The following AMIGO3 variants were observed in gnomAD, a reference collection of about 807,000 sequenced individuals.
The protein encoded by AMIGO3 is adhesion molecule with Ig like domain 3.
Under a neutral mutation model 4.3 loss-of-function variants are expected in AMIGO3, and 6 were observed. That is an observed-to-expected ratio of 1.39 (90% CI 0.76 to 2.75). AMIGO3 has a LOEUF of 2.75. AMIGO3 is among the 30% of genes most tolerant of loss of function. AMIGO3 has a pLI of 0.00. For synonymous variants in AMIGO3, 315 were observed against 320.0 expected, an observed-to-expected ratio of 0.98 and a Z score of 0.17; for missense variants, 771 against 692.1, an observed-to-expected ratio of 1.11 and a Z score of -1.28.
chr3:49,719,301 C>T lies in AMIGO3; in HGVS notation c.165G>A (p.Val55=), dbSNP rs1282870865. 1 of 1,612,930 alleles carries T rather than the reference C, an allele frequency of 6.2e-7. No individual in the cohort carries two copies. Among genetic ancestry groups the T allele is most frequent in the African/African-American group, 1.3e-5 (1 of 74,938 alleles). The change falls in exon 1 of 1, where the codon GTG becomes GTA. Residue 55 remains valine, a synonymous_variant. Transcript: ENST00000320431. ...CAGTAGCGGCAGGTAACTCGGCTGG[C>T]ACGTCCTGCAGCCCTAGGCCAGTGC... ...LSCTGLGLQD[V]PAELPAATAD...
rs1283325975 is a variant in AMIGO3, at chr3:49,718,859, G to T, written c.607C>A (p.Leu203Met). The change falls in exon 1 of 1, where the codon CTG (leucine) becomes ATG (methionine). Residue 203 changes from leucine to methionine, a missense_variant. Leu to Met is a conservative substitution (Grantham distance 15). Transcript: ENST00000320431. ...NRLGHISVPE[L>M]AALPAFLKNG... ...TTGAGGAAGGCCGGCAGCGCGGCCA[G>T]CTCAGGTACGGAGATGTGTCCCAGC... 2 of 1,613,432 alleles carry T rather than the reference G, an allele frequency of 1.2e-6. No homozygotes were observed. The highest frequency in any genetic ancestry group is 1.7e-6 in the Non-Finnish European group (2 of 1,180,034).
In AMIGO3 at chr3:49,717,819, C is replaced by G; in HGVS notation, c.*132G>C. On this transcript the variant is annotated 3_prime_UTR_variant, in exon 1 of 1. Transcript: ENST00000320431. ...GTGAGCGAGAAGGCCCATTGTGTTTCGAGGCCCATACAGGAAGCTGGGGGG... is the reference window on the plus strand; with the variant it reads ...GTGAGCGAGAAGGCCCATTGTGTTTGGAGGCCCATACAGGAAGCTGGGGGG... 5 of 982,432 alleles carry G rather than the reference C, an allele frequency of 5.1e-6. No homozygotes were observed. The highest frequency in any genetic ancestry group is 7.4e-6 in the Non-Finnish European group (5 of 675,288). 60.9% of individuals were successfully genotyped at this position (982,432 alleles called of 1,614,324 possible).
Position 49,718,835 on chromosome 3 carries a change from TGAG to T in AMIGO3, c.628_630del (p.Leu210del), listed in dbSNP as rs2080314665. On this transcript the variant is annotated inframe_deletion, in exon 1 of 1. Transcript: ENST00000320431. ...TTGTTGTGCAAGTAGAGGCCGTTCT[TGAG>T]GAAGGCCGGCAGCGCGGCCAGCTCA... is the stretch of plus-strand genomic sequence containing the variant. 6.2e-7 allele frequency: 1 copy of T among 1,613,424 alleles called. No individual in the cohort carries two copies. Among genetic ancestry groups the T allele is most frequent in the Non-Finnish European group, 8.5e-7 (1 of 1,180,028 alleles).
chr3:49,717,846 C>G lies in AMIGO3; in HGVS notation c.*105G>C. The G allele has an allele frequency of 7.9e-7, 1 of 1,272,136 alleles. No individual in the cohort carries two copies. The highest frequency in any genetic ancestry group is 1.4e-5 in the South Asian group (1 of 69,370). The allele number at this position is 1,272,136 out of a possible 1,614,324, so 78.8% of individuals were successfully genotyped here. ...AGGCCCATACAGGAAGCTGGGGGGC[C>G]AGGCACAGTGCTTCCCACCAGTATC... is the stretch of plus-strand genomic sequence containing the variant. On this transcript the variant is annotated 3_prime_UTR_variant, in exon 1 of 1. Transcript: ENST00000320431.
Position 49,718,072 on chromosome 3 carries a change from T to A in AMIGO3, c.1394A>T (p.Asn465Ile). The change falls in exon 1 of 1, where the codon AAT becomes ATT. Residue 465 changes from asparagine (N) to isoleucine (I), a missense_variant. Asn to Ile is a moderately radical substitution (Grantham distance 149). Transcript: ENST00000320431. ...VFLEPGRRGL[N>I]GRVQLAVAEE... ...AGCTACTGCCAGCTGCACGCGGCCATTGAGGCCCCTCCGGCCTGGCTCCAG... is the reference window on the plus strand; with the variant it reads ...AGCTACTGCCAGCTGCACGCGGCCAATGAGGCCCCTCCGGCCTGGCTCCAG... 6.2e-7 allele frequency: 1 copy of A among 1,613,616 alleles called. No individual in the cohort carries two copies. Among genetic ancestry groups the A allele is most frequent in the South Asian group, 1.1e-5 (1 of 91,086 alleles).
In AMIGO3 at chr3:49,717,686, T is replaced by A. The variant is rs1286427029; in HGVS notation, c.*265A>T. ...CACAGGGCATTTGGGCACTAGGAAG[T>A]CCGCGGGAAAGCAGGAACTAGCACA... On this transcript the variant is annotated 3_prime_UTR_variant, in exon 1 of 1. Transcript: ENST00000320431. The A allele has an allele frequency of 1.8e-6, 1 of 555,296 alleles. No individual in the cohort carries two copies. Among genetic ancestry groups the A allele is most frequent in the Admixed American group, 3.2e-5 (1 of 30,802 alleles). The allele number at this position is 555,296 out of a possible 1,614,324, so 34.4% of individuals were successfully genotyped here.
Position 49,719,628 on chromosome 3 carries a change from G to T in AMIGO3, c.-163C>A. ...ACGGCCCCTACTCTCCGGTTCCCAG[G>T]TTGTGAGGCGGTGCGGCACTCTTAG... On this transcript the variant is annotated 5_prime_UTR_variant, in exon 1 of 1. Coordinates refer to ENST00000320431, the MANE Select transcript of AMIGO3 (RefSeq NM_198722.3). 1.6e-6 allele frequency: 1 copy of T among 627,284 alleles called. No individual in the cohort carries two copies. Among genetic ancestry groups the T allele is most frequent in the Non-Finnish European group, 2.8e-6 (1 of 357,972 alleles). The allele number at this position is 627,284 out of a possible 1,614,324, so 38.9% of individuals were successfully genotyped here.
rs2080316685 is a variant in AMIGO3, at chr3:49,718,892, A to C, written c.574T>G (p.Ser192Ala). 6.2e-7 allele frequency: 1 copy of C among 1,613,488 alleles called. No individual in the cohort carries two copies. Among genetic ancestry groups the C allele is most frequent in the Admixed American group, 1.7e-5 (1 of 60,014 alleles). ...ATHLLTLDLS[S>A]NRLGHISVPE... ...ACGGAGATGTGTCCCAGCCGGTTGG[A>C]GGAGAGGTCCAGAGTAAGCAGGTGG... Residue 192 changes from serine to alanine, a missense_variant, in exon 1 of 1, where the codon TCC (serine) becomes GCC (alanine). By Grantham distance (99) the Ser-to-Ala change is moderately conservative (BLOSUM62 1). Transcript: ENST00000320431.
rs376622853 is a variant in AMIGO3 at position 49,719,282 on chromosome 3, C to A, written c.184G>T (p.Ala62Ser). The A allele has an allele frequency of 6.2e-7, 1 of 1,613,162 alleles. No individual in the cohort carries two copies. Among genetic ancestry groups the A allele is most frequent in the East Asian group, 2.2e-5 (1 of 44,878 alleles). ...LQDVPAELPA[A>S]TADLDLSHNA... ...TGGCTCAGGTCGAGGTCCGCAGTAGCGGCAGGTAACTCGGCTGGCACGTCC... is the reference window on the plus strand; with the variant it reads ...TGGCTCAGGTCGAGGTCCGCAGTAGAGGCAGGTAACTCGGCTGGCACGTCC... The change falls in exon 1 of 1, where the codon GCT (alanine) becomes TCT (serine). Residue 62 changes from alanine to serine, a missense_variant. Transcript: ENST00000320431.
At position 49,718,578 on chromosome 3, in the gene AMIGO3, C is replaced by T. The variant is rs1466765082; in HGVS notation, c.888G>A (p.Leu296=). Residue 296 remains leucine, a synonymous_variant, in exon 1 of 1, where the codon CTG becomes CTA. Transcript: ENST00000320431. ...GGACGCTGGTGTTGCAGTAAAGCCTCAGGGACCGACCCACCAGCGCGTACA... is the reference window on the plus strand; with the variant it reads ...GGACGCTGGTGTTGCAGTAAAGCCTTAGGGACCGACCCACCAGCGCGTACA... The part of the protein sequence containing the change: ...EHLYALVGRS[L]RLYCNTSVPA... The T allele has an allele frequency of 1.9e-6, 3 of 1,612,980 alleles. No homozygotes were observed. Among genetic ancestry groups the T allele is most frequent in the East Asian group, 2.2e-5 (1 of 44,892 alleles).
Position 49,719,123 on chromosome 3 carries a change from C to T in AMIGO3, c.343G>A (p.Asp115Asn). 8 of 1,613,536 alleles carry T rather than the reference C, an allele frequency of 5.0e-6. No individual in the cohort carries two copies. Among genetic ancestry groups the T allele is most frequent in the Admixed American group, 1.7e-5 (1 of 60,026 alleles). ...GCCCGCAACGTGTTAGATGATAGATCGAGCAGCCTCAGGCCGCTGGCGTTG... is the reference window on the plus strand; with the variant it reads ...GCCCGCAACGTGTTAGATGATAGATTGAGCAGCCTCAGGCCGCTGGCGTTG... ...FVNASGLRLL[D>N]LSSNTLRALG... Residue 115 changes from aspartate (D) to asparagine (N), a missense_variant, in exon 1 of 1, where the codon GAT (aspartate) becomes AAT (asparagine). Physicochemically the swap from Asp to Asn is conservative, Grantham distance 23. Coordinates refer to ENST00000320431, the MANE Select transcript of AMIGO3 (RefSeq NM_198722.3).
rs763204310 is a variant in AMIGO3, at chr3:49,718,205, G to C, written c.1261C>G (p.Gln421Glu). ...AGCTCTTGGAGCGGGCTGGGTGTTT[G>C]GGGCCAGCGGCGGCAGCGGCAGGCA... ...RRACRCRRWPQTPSPLQELSA... is the reference protein window; with the variant it reads ...RRACRCRRWPETPSPLQELSA... The change falls in exon 1 of 1, where the codon CAA (glutamine) becomes GAA (glutamate). Residue 421 changes from glutamine to glutamate, a missense_variant. Coordinates refer to ENST00000320431, the MANE Select transcript of AMIGO3 (RefSeq NM_198722.3). 3.1e-6 allele frequency: 5 copies of C among 1,612,430 alleles called. No individual in the cohort carries two copies. The highest frequency in any genetic ancestry group is 4.2e-6 in the Non-Finnish European group (5 of 1,179,620).
rs758638625 is a variant in AMIGO3, at chr3:49,718,954, G to C, written c.512C>G (p.Ser171Trp). The C allele has an allele frequency of 1.1e-5, 17 of 1,613,694 alleles. No homozygotes were observed. Among genetic ancestry groups the C allele is most frequent in the Admixed American group, 6.7e-5 (4 of 60,016 alleles). ...ACCGTGCAGGTGGTCGAAGGAGAACGAGGCGAGTTCGTTGCAGCCCAGGTA... is the reference window on the plus strand; with the variant it reads ...ACCGTGCAGGTGGTCGAAGGAGAACCAGGCGAGTTCGTTGCAGCCCAGGTA... ...HLYLGCNELA[S>W]FSFDHLHGLS... The change falls in exon 1 of 1, where the codon TCG (serine) becomes TGG (tryptophan). Residue 171 changes from serine (S) to tryptophan (W), a missense_variant. Transcript: ENST00000320431.
rs775625819 is a variant in AMIGO3, at chr3:49,719,242, C to T, written c.224G>A (p.Arg75His). 9 of 1,613,028 alleles carry T rather than the reference C, an allele frequency of 5.6e-6. No individual in the cohort carries two copies. Among genetic ancestry groups the T allele is most frequent in the Non-Finnish European group, 4.2e-6 (5 of 1,179,856 alleles). ...GGGCGCCAACCAGCCGGGGCGCAGG[C>T]GCTGGAGCGCGTTGTGGCTCAGGTC... The part of the protein sequence containing the change: ...DLDLSHNALQ[R>H]LRPGWLAPLF... Residue 75 changes from arginine to histidine, a missense_variant, in exon 1 of 1, where the codon CGC becomes CAC. Physicochemically the swap from Arg to His is conservative, Grantham distance 29. Transcript: ENST00000320431.
rs755181749 is a variant in AMIGO3, at chr3:49,718,214, G to A, written c.1252C>T (p.Arg418Cys). The A allele has an allele frequency of 1.9e-6, 3 of 1,610,636 alleles. No homozygotes were observed. Among genetic ancestry groups the A allele is most frequent in the Non-Finnish European group, 1.7e-6 (2 of 1,179,586 alleles). ...RCCRRACRCR[R>C]WPQTPSPLQE... ...AGCGGGCTGGGTGTTTGGGGCCAGC[G>A]GCGGCAGCGGCAGGCACGGCGGCAG... The change falls in exon 1 of 1, where the codon CGC (arginine) becomes TGC (cysteine). Residue 418 changes from arginine to cysteine, a missense_variant. Coordinates refer to ENST00000320431, the MANE Select transcript of AMIGO3 (RefSeq NM_198722.3).
rs1452411594 is a variant in AMIGO3 at position 49,719,657 on chromosome 3, C to G, written c.-192G>C. The G allele has an allele frequency of 3.5e-6, 2 of 576,198 alleles. No homozygotes were observed. The highest frequency in any genetic ancestry group is 6.2e-6 in the Non-Finnish European group (2 of 320,850). 35.7% of individuals were successfully genotyped at this position (576,198 alleles called of 1,614,324 possible). On this transcript the variant is annotated 5_prime_UTR_variant, in exon 1 of 1. Coordinates refer to ENST00000320431, the MANE Select transcript of AMIGO3 (RefSeq NM_198722.3). ...TGAGGCGGTGCGGCACTCTTAGCCG[C>G]GCTCCCTTCGGCTTCGCTAGCCCTC...
Position 49,719,496 on chromosome 3 carries a change from G to T in AMIGO3, c.-31C>A. On this transcript the variant is annotated 5_prime_UTR_variant, in exon 1 of 1. The change creates a new upstream start codon in the 5' untranslated region. Transcript: ENST00000320431. ...CGACCACCAGGGACAGTACAGAGCA[G>T]CTCTGTGCAGGTTGCAGTTCCAGGA... is the stretch of plus-strand genomic sequence containing the variant. 1 of 1,556,568 alleles carries T rather than the reference G, an allele frequency of 6.4e-7. No individual in the cohort carries two copies. The highest frequency in any genetic ancestry group is 8.7e-7 in the Non-Finnish European group (1 of 1,143,634).
Position 49,718,197 on chromosome 3 carries a change from G to A in AMIGO3, c.1269C>T (p.Pro423=), listed in dbSNP as rs765658912. 89 of 1,612,810 alleles carry A rather than the reference G, an allele frequency of 5.5e-5. No individual in the cohort carries two copies. In the Admixed American group the frequency reaches 1.4e-3, roughly 26 times the overall value. ...GTGCGCTCAGCTCTTGGAGCGGGCTGGGTGTTTGGGGCCAGCGGCGGCAGC... is the reference window on the plus strand; with the variant it reads ...GTGCGCTCAGCTCTTGGAGCGGGCTAGGTGTTTGGGGCCAGCGGCGGCAGC... The part of the protein sequence containing the change: ...ACRCRRWPQT[P]SPLQELSAQS... Residue 423 remains proline (P), a synonymous_variant, in exon 1 of 1, where the codon CCC becomes CCT. Transcript: ENST00000320431.
rs763869377 is a variant in AMIGO3 at position 49,719,491 on chromosome 3, G to A, written c.-26C>T. On this transcript the variant is annotated 5_prime_UTR_variant, in exon 1 of 1. Coordinates refer to ENST00000320431, the MANE Select transcript of AMIGO3 (RefSeq NM_198722.3). Reference sequence around the variant, plus strand: ...GGCGGCGACCACCAGGGACAGTACAGAGCAGCTCTGTGCAGGTTGCAGTTC... The same window carrying A: ...GGCGGCGACCACCAGGGACAGTACAAAGCAGCTCTGTGCAGGTTGCAGTTC... The A allele has an allele frequency of 6.3e-7, 1 of 1,576,686 alleles. No individual in the cohort carries two copies. The highest frequency in any genetic ancestry group is 1.1e-5 in the South Asian group (1 of 87,754).
Sources: allele counts gnomAD v4.1 joint callset, GRCh38; gene constraint gnomAD v4.1.1; transcripts MANE v1.5; gene names NCBI Gene and HGNC (gene_info 2026-07-23, HGNC 2026-07-21).